TMCC1: variants seen among roughly 807,000 people sequenced by gnomAD.
The protein encoded by TMCC1 is transmembrane and coiled-coil domain family 1, also known as transmembrane and coiled-coil domains protein 1.
A neutral mutation model predicts 52.4 loss-of-function variants in TMCC1; 15 were observed. The observed-to-expected ratio is 0.29, with a 90% CI of 0.19 to 0.44. The LOEUF (loss-of-function observed/expected upper bound fraction) is 0.44. TMCC1 is among the 20% of genes least tolerant of loss of function. The pLI, the probability that TMCC1 is intolerant of heterozygous loss-of-function variation, is 1.00. For synonymous variants in TMCC1, 279 were observed against 301.9 expected (o/e 0.92, Z 0.79); for missense variants, 503 against 806.0 (o/e 0.62, Z 4.55).
chr3:129,722,366 T>C (rs1269840555), intron 4 of TMCC1, among the ~76,000 whole-genome samples: 1 of 152,036 alleles, frequency 6.6e-6, no homozygotes, highest in African/African-American at 2.4e-5. Context: ...GGTGAACAGT[T>C]TCATCCCCAA....
chr3:129,745,906 C>T (rs1306963152), intron 4 of TMCC1, among the ~76,000 whole-genome samples: 1 of 150,778 alleles, frequency 6.6e-6, no homozygotes, highest in African/African-American at 2.4e-5. Flanking sequence ...CACAGTGAGA[C>T]TCTCCCTAAA....
chr3:129,651,664 G>A lies in TMCC1; in HGVS notation c.1779C>T (p.Leu593=). 1 of 1,614,242 alleles carries A rather than the reference G, an allele frequency of 6.2e-7. No individual in the cohort carries two copies. The highest frequency in any genetic ancestry group is 1.3e-5 in the African/African-American group (1 of 75,058). Residue 593 remains leucine (L), a synonymous_variant, in exon 7 of 7, where the codon CTC becomes CTT. Transcript: ENST00000393238. This position sits in a 1 kb window ranked among gnomAD's most constrained non-coding sequence, Gnocchi z 5.1. Reference sequence around the variant, plus strand: ...CCAAAAGGACTGCCATGACAGCCAGGAGGATGTTGATGAGTTTGCCCAGAA... The same window carrying A: ...CCAAAAGGACTGCCATGACAGCCAGAAGGATGTTGATGAGTTTGCCCAGAA... ...RNLLGKLINI[L]LAVMAVLLVF...
chr3:129,772,366 T>G (rs1317814225), intron 4 of TMCC1, among the ~76,000 whole-genome samples: 1 of 151,796 alleles, frequency 6.6e-6, no homozygotes, highest in East Asian at 1.9e-4. Flanking sequence ...AAAATTATTT[T>G]TCTTTATATA....
chr3:129,763,636 A>G (rs2107684338), intron 4 of TMCC1, among the ~76,000 whole-genome samples: 1 of 151,840 alleles, frequency 6.6e-6, no homozygotes, highest in Middle Eastern at 3.4e-3. Context: ...ACTTAATAAA[A>G]GCCAGATACT....
intron 2 of TMCC1, among the ~76,000 whole-genome samples, chr3:129,861,552 AAC>A (rs540585178): frequency 1.3e-4 from 20 of 152,358 alleles, no homozygotes; most frequent in South Asian, 8.3e-4. Context: ...CCTATTAAAA[AAC>A]AGAGAAAGAA....
At chr3:129,742,287 T>A (rs1273224356) in intron 4 of TMCC1, among the ~76,000 whole-genome samples, 2 of 151,988 alleles carry the variant, frequency 1.3e-5, no homozygotes, top group African/African-American at 4.8e-5. Context: ...AGTGAAAAGA[T>A]AAAAACCACA....
chr3:129,760,858 C>T (rs955779984), intron 4 of TMCC1, among the ~76,000 whole-genome samples: 2 of 152,034 alleles, frequency 1.3e-5, no homozygotes, highest in African/African-American at 4.8e-5. Flanking sequence ...GCAGTCTACC[C>T]ACCTCAGCCT....
chr3:129,679,503 C>G (rs1458264328), intron 4 of TMCC1, among the ~76,000 whole-genome samples: 32 of 151,998 alleles, frequency 2.1e-4, no homozygotes, highest in African/African-American at 7.0e-4. Context: ...ATGGGGTTTC[C>G]CCATATTGGC....
At chr3:129,705,171 A>C in intron 4 of TMCC1, among the ~76,000 whole-genome samples, 1 of 152,230 alleles carries the variant, frequency 6.6e-6, no homozygotes, top group East Asian at 1.9e-4. Flanking sequence ...CCTACCCTTG[A>C]TATCTATACA....
chr3:129,680,006 T>C (rs115103085), intron 4 of TMCC1, among the ~76,000 whole-genome samples: 1 of 152,226 alleles, frequency 6.6e-6, no homozygotes, highest in African/African-American at 2.4e-5. Flanking sequence ...GCATCAGAGA[T>C]TGACTTTTAA....
chr3:129,704,391 G>A (rs2048063211), intron 4 of TMCC1, among the ~76,000 whole-genome samples: 1 of 152,112 alleles, frequency 6.6e-6, no homozygotes, highest in Non-Finnish European at 1.5e-5. Flanking sequence ...CCCAGTGCTT[G>A]TGTCTACATC....
At chr3:129,683,597 A>T (rs1182912241) in intron 4 of TMCC1, among the ~76,000 whole-genome samples, 1 of 152,052 alleles carries the variant, frequency 6.6e-6, no homozygotes, top group African/African-American at 2.4e-5. Context: ...TTTGTTTTTC[A>T]TAGATTTAGG....
chr3:129,813,803 T>TA (rs200391975), intron 4 of TMCC1, among the ~76,000 whole-genome samples: 301 of 141,796 alleles, frequency 2.1e-3, no homozygotes, highest in African/African-American at 4.6e-3. Context: ...AAATAAAAGT[T>TA]AAAAAAAAAA....
At chr3:129,795,845 G>C (rs544204301) in intron 4 of TMCC1, among the ~76,000 whole-genome samples, 2 of 152,166 alleles carry the variant, frequency 1.3e-5, no homozygotes, top group Non-Finnish European at 2.9e-5. Flanking sequence ...CTGAGTAAGC[G>C]ATTTGGTCAT....
rs139993179 is a variant in TMCC1 at position 129,828,848 on chromosome 3, A to G, written c.-130-340T>C. On this transcript the variant is annotated intron_variant, in intron 3 of 6. Transcript: ENST00000393238. The surrounding 1 kb of genome is among the most constrained non-coding windows in gnomAD (Gnocchi z 4.1). ...TATAATGGTAGTTGACAGAACAGCC[A>G]TTGCTTGGGAAATCAAGAGAAGAGA... Among the ~76,000 whole-genome samples, 291 of 152,340 alleles carry G rather than the reference A, an allele frequency of 1.9e-3. 1 individual carries two copies. The highest frequency in any genetic ancestry group is 6.6e-3 in the African/African-American group (276 of 41,582).
intron 4 of TMCC1, among the ~76,000 whole-genome samples, chr3:129,779,022 C>T (rs1358436723): frequency 3.3e-5 from 5 of 151,630 alleles, no homozygotes; most frequent in African/African-American, 1.2e-4. Flanking sequence ...TTTTTTCTTC[C>T]CAGAACCTCA....
intron 4 of TMCC1, among the ~76,000 whole-genome samples, chr3:129,808,627 TA>T (rs2107789020): frequency 6.6e-6 from 1 of 151,222 alleles, no homozygotes; most frequent in Admixed American, 6.6e-5. Flanking sequence ...AAAAGGTGTA[TA>T]AAAAGGGAAG....
At chr3:129,700,440 T>C (rs1177199518) in intron 4 of TMCC1, among the ~76,000 whole-genome samples, 1 of 152,208 alleles carries the variant, frequency 6.6e-6, no homozygotes, top group Non-Finnish European at 1.5e-5. Context: ...GGGAAATAGA[T>C]TTTACCCTTC....
At chr3:129,891,121 C>G (rs957289244) in intron 1 of TMCC1, among the ~76,000 whole-genome samples, 8 of 152,232 alleles carry the variant, frequency 5.3e-5, no homozygotes, top group African/African-American at 1.9e-4. Flanking sequence ...AAAGCGCTAC[C>G]ATTTTTCAGG....
Sources: allele counts gnomAD v4.1 joint callset (sites outside exome capture counted in the v4.1 genomes callset), GRCh38; gene constraint gnomAD v4.1.1; non-coding constraint Gnocchi (gnomAD v3.1); transcripts MANE v1.5; gene names NCBI Gene and HGNC (gene_info 2026-07-23, HGNC 2026-07-21).